Variants in CTNNA2 observed in about 807,000 individuals in gnomAD.
CTNNA2 encodes catenin alpha-2.
In CTNNA2, 42 loss-of-function variants were observed where a neutral mutation model predicts 101.0. That is an observed-to-expected ratio of 0.42 (90% CI 0.32 to 0.54). The LOEUF (loss-of-function observed/expected upper bound fraction) is 0.54, where lower values mean the gene tolerates loss of function less well. CTNNA2 is among the 20% of genes least tolerant of loss of function. The pLI, the probability that CTNNA2 is intolerant of heterozygous loss-of-function variation, is 0.14. For missense variants in CTNNA2, 871 were observed against 1,223.1 expected (o/e 0.71, Z 4.29); for synonymous variants, 450 against 456.4 (o/e 0.99, Z 0.18).
intron 7 of CTNNA2, among the ~76,000 whole-genome samples, chr2:80,121,763 T>C (rs1181949153): frequency 6.6e-6 from 1 of 152,180 alleles, no homozygotes; most frequent in South Asian, 2.1e-4. Context: ...CAAAGTAAAA[T>C]CTAACCCGGA....
At position 79,963,002 on chromosome 2, in the gene CTNNA2, C is replaced by T. The variant is rs186295713; in HGVS notation, c.1056+53205C>T. Among the ~76,000 whole-genome samples, 472 of 130,684 alleles carry T rather than the reference C, an allele frequency of 3.6e-3. 1 individual carries two copies. The highest frequency in any genetic ancestry group is 0.013 in the African/African-American group (443 of 34,850). 85.7% of individuals were successfully genotyped at this position (130,684 alleles called of 152,430 possible). A position where few individuals can be genotyped will look rare whatever the true frequency, so the allele number is the denominator to read the frequency against. On this transcript the variant is annotated intron_variant, in intron 7 of 18. Coordinates refer to ENST00000402739, the MANE Select transcript of CTNNA2 (RefSeq NM_001282597.3). Reference sequence around the variant, plus strand: ...AGGAGAACGGTGTGAACCCGGGAGGCGGAACTTGCAGTGAGCTGAGATTGC... The same window carrying T: ...AGGAGAACGGTGTGAACCCGGGAGGTGGAACTTGCAGTGAGCTGAGATTGC...
intron 3 of CTNNA2, among the ~76,000 whole-genome samples, chr2:79,847,041 T>A (rs561091061): frequency 1.3e-5 from 2 of 152,324 alleles, no homozygotes; most frequent in South Asian, 4.1e-4. Flanking sequence ...TGTTTGCTCA[T>A]TTTTTAATGT....
At chr2:79,290,353 G>A (rs1005797112) in intron 2 of CTNNA2, among the ~76,000 whole-genome samples, 7 of 152,196 alleles carry the variant, frequency 4.6e-5, no homozygotes, top group East Asian at 1.9e-4. Flanking sequence ...ATACTGATAC[G>A]GGAGCGGGGC....
At chr2:80,015,416 C>A (rs1460099199) in intron 7 of CTNNA2, among the ~76,000 whole-genome samples, 1 of 152,148 alleles carries the variant, frequency 6.6e-6, no homozygotes, top group Non-Finnish European at 1.5e-5. Flanking sequence ...ATGGAACCAT[C>A]AGATCGCTGA....
chr2:80,349,030 T>C (rs1373540), intron 7 of CTNNA2, among the ~76,000 whole-genome samples: 60,485 of 151,962 alleles, frequency 0.4, 14,710 homozygotes, highest in African/African-American at 0.69. Context: ...AAAGGACAAA[T>C]GGATTAACTT....
intron 4 of CTNNA2, among the ~76,000 whole-genome samples, chr2:79,445,780 A>T (rs928998704): frequency 6.6e-6 from 1 of 152,118 alleles, no homozygotes; most frequent in African/African-American, 2.4e-5. Context: ...AGCAGATAAT[A>T]TAAAGAGTTT....
At chr2:80,567,304 T>A (rs1694146708) in intron 12 of CTNNA2, among the ~76,000 whole-genome samples, 1 of 152,174 alleles carries the variant, frequency 6.6e-6, no homozygotes, top group Non-Finnish European at 1.5e-5. Context: ...TGTTCTTAAG[T>A]GGAACTAAAG....
At chr2:79,904,476 T>C (rs1311092074) in intron 6 of CTNNA2, among the ~76,000 whole-genome samples, 1 of 152,196 alleles carries the variant, frequency 6.6e-6, no homozygotes, top group Non-Finnish European at 1.5e-5. Context: ...TAAAGTAATA[T>C]ACTTTATAAT....
intron 1 of CTNNA2, among the ~76,000 whole-genome samples, chr2:79,612,043 A>C (rs762848205): frequency 6.6e-6 from 1 of 152,096 alleles, no homozygotes; most frequent in Non-Finnish European, 1.5e-5. Flanking sequence ...CTGTGCACTA[A>C]ATGTTATTCT....
chr2:80,125,154 GA>G (rs1558831383), intron 7 of CTNNA2, among the ~76,000 whole-genome samples: 1 of 152,148 alleles, frequency 6.6e-6, no homozygotes, highest in African/African-American at 2.4e-5. Context: ...CAAAATCTTA[GA>G]ATTTTATATC....
At chr2:79,691,328 T>A (rs6547257) in intron 2 of CTNNA2, among the ~76,000 whole-genome samples, 105,669 of 151,220 alleles carry the variant, frequency 0.7, 37,023 homozygotes, top group East Asian at 0.89. Context: ...CTCCTACATT[T>A]CCTTGGGAGT....
intron 3 of CTNNA2, among the ~76,000 whole-genome samples, chr2:79,363,378 G>A (rs1251165654): frequency 6.6e-6 from 1 of 152,028 alleles, no homozygotes; most frequent in South Asian, 2.1e-4. Context: ...GCCACACTGG[G>A]GCTAAAAGCA....
At chr2:80,439,544 G>A (rs551327488) in intron 9 of CTNNA2, among the ~76,000 whole-genome samples, 23 of 152,052 alleles carry the variant, frequency 1.5e-4, no homozygotes, top group African/African-American at 4.8e-4. Flanking sequence ...GATTACAGGC[G>A]CAAACCACCA....
At chr2:79,367,668 G>A (rs910740007) in intron 3 of CTNNA2, among the ~76,000 whole-genome samples, 6 of 152,280 alleles carry the variant, frequency 3.9e-5, no homozygotes, top group African/African-American at 1.4e-4. Flanking sequence ...AGAACTCTTA[G>A]ATGACTGCTT....
chr2:80,061,922 C>T (rs1697625081), intron 7 of CTNNA2, among the ~76,000 whole-genome samples: 1 of 152,192 alleles, frequency 6.6e-6, no homozygotes, highest in Non-Finnish European at 1.5e-5. Context: ...GGGCAAACTA[C>T]TGAAAGTAAA....
At chr2:80,620,160 G>A (rs1207315450) in intron 18 of CTNNA2, among the ~76,000 whole-genome samples, 1 of 151,776 alleles carries the variant, frequency 6.6e-6, no homozygotes, top group African/African-American at 2.4e-5. Context: ...TTGACCACCA[G>A]AATGTGAAAC....
At chr2:79,203,717 C>G (rs147842481) in intron 2 of CTNNA2, among the ~76,000 whole-genome samples, 2 of 152,312 alleles carry the variant, frequency 1.3e-5, no homozygotes, top group East Asian at 3.9e-4. Flanking sequence ...TCAGGGCCGC[C>G]TTTTCTTTGT....
At chr2:79,614,147 A>G (rs1164145093) in intron 1 of CTNNA2, among the ~76,000 whole-genome samples, 1 of 152,150 alleles carries the variant, frequency 6.6e-6, no homozygotes, top group African/African-American at 2.4e-5. Flanking sequence ...AATATGGTGG[A>G]TATAGCACAA....
intron 1 of CTNNA2, among the ~76,000 whole-genome samples, chr2:79,192,563 A>T (rs1673888477): frequency 6.6e-6 from 1 of 152,324 alleles, no homozygotes; most frequent in African/African-American, 2.4e-5. Context: ...TTCTGAGTTT[A>T]AGCTGAATAT....
Sources: allele counts gnomAD v4.1 joint callset (sites outside exome capture counted in the v4.1 genomes callset), GRCh38; gene constraint gnomAD v4.1.1; transcripts MANE v1.5; gene names NCBI Gene and HGNC (gene_info 2026-07-23, HGNC 2026-07-21).